SRGAP2C: variants seen among roughly 807,000 people sequenced by gnomAD.
The protein encoded by SRGAP2C is SLIT-ROBO Rho GTPase-activating protein 2C.
In SRGAP2C, 15 loss-of-function variants were observed where a neutral mutation model predicts 25.1. That is an observed-to-expected ratio of 0.60 (90% CI 0.40 to 0.92). The LOEUF is 0.92. SRGAP2C is among the 40% of genes least tolerant of loss of function. The probability of loss-of-function intolerance (pLI) is 0.00; values close to 1 mark genes in which losing one functional copy is unlikely to be tolerated. For missense variants in SRGAP2C, 144 were observed against 264.4 expected (o/e 0.54, Z 3.16); for synonymous variants, 44 against 96.6 (o/e 0.46, Z 3.19).
intron 2 of SRGAP2C, among the ~76,000 whole-genome samples, chr1:121,199,006 A>G (rs1301826270): frequency 6.6e-6 from 1 of 152,190 alleles, no homozygotes; most frequent in Non-Finnish European, 1.5e-5. Flanking sequence ...GGGAACAACA[A>G]TTCTTGGCCC....
At chr1:121,368,015 G>A (rs1327871426) in intron 5 of SRGAP2C, among the ~76,000 whole-genome samples, 1 of 114,972 alleles carries the variant, frequency 8.7e-6, no homozygotes, top group African/African-American at 3.5e-5. Flanking sequence ...GGCAGAGCTT[G>A]CAGTGAGCCG....
chr1:121,208,132 C>T (rs1316299306), intron 2 of SRGAP2C, among the ~76,000 whole-genome samples: 1 of 152,194 alleles, frequency 6.6e-6, no homozygotes, highest in African/African-American at 2.4e-5. Context: ...TTGCAAATTA[C>T]ATAACCCAAA....
chr1:121,238,843 G>A (rs1302555940), intron 2 of SRGAP2C, among the ~76,000 whole-genome samples: 102 of 140,094 alleles, frequency 7.3e-4, no homozygotes, highest in African/African-American at 2.4e-3. Flanking sequence ...GTGCAGTAGC[G>A]TGATCATGGC....
intron 3 of SRGAP2C, chr1:121,314,959 C>G: frequency 1.0e-6 from 1 of 973,354 alleles, no homozygotes; most frequent in South Asian, 1.3e-5. Flanking sequence ...TGAGCCAGGG[C>G]TTGAAGCAGA....
At chr1:121,347,817 A>T (rs1391052857) in intron 4 of SRGAP2C, among the ~76,000 whole-genome samples, 3 of 150,994 alleles carry the variant, frequency 2.0e-5, no homozygotes, top group African/African-American at 7.3e-5. Flanking sequence ...AGCTCCACAC[A>T]TGCCAGAGAC....
chr1:121,315,070 G>T lies in SRGAP2C; in HGVS notation c.261-9408G>T, dbSNP rs1175213313. 1.0e-5 allele frequency: 9 copies of T among 891,422 alleles called. 1 individual carries two copies. The highest frequency in any genetic ancestry group is 2.4e-5 in the Admixed American group (1 of 42,476). The allele number at this position is 891,422 out of a possible 1,614,324, so 55.2% of individuals were successfully genotyped here. A position where few individuals can be genotyped will look rare whatever the true frequency, so the allele number is the denominator to read the frequency against. On this transcript the variant is annotated intron_variant, in intron 3 of 9. Coordinates refer to ENST00000367123, the MANE Select transcript of SRGAP2C (RefSeq NM_001329984.2). ...AGATTATCCATGTTGCTCCCCGAGG[G>T]TGAGGAACTGGCGGGGTGAGGCGAA...
chr1:121,212,339 C>T (rs1417169314), intron 2 of SRGAP2C, among the ~76,000 whole-genome samples: 1 of 151,468 alleles, frequency 6.6e-6, no homozygotes, highest in African/African-American at 2.4e-5. Context: ...ACCATATTGG[C>T]CAGGCTGGTC....
At chr1:121,229,808 CTTAGCTGTATTATGTGAAGTTGT>C (rs1553327227) in intron 2 of SRGAP2C, among the ~76,000 whole-genome samples, 1 of 125,674 alleles carries the variant, frequency 8.0e-6, no homozygotes. Context: ...TGTTCAGATT[CTTAGCTGTATTATGTGAAGTTGT>C]TTGTCAGCTT....
At chr1:121,352,912 AC>A (rs1658961396) in intron 4 of SRGAP2C, among the ~76,000 whole-genome samples, 1 of 143,012 alleles carries the variant, frequency 7.0e-6, no homozygotes, top group Admixed American at 7.0e-5. Flanking sequence ...ACATGGTGAA[AC>A]CCCATCTCTA....
intron 4 of SRGAP2C, among the ~76,000 whole-genome samples, chr1:121,354,102 A>G (rs1420222906): frequency 1.3e-5 from 1 of 79,314 alleles, no homozygotes; most frequent in Non-Finnish European, 2.4e-5. Context: ...TATGCAAATT[A>G]AAGACAGATT....
rs1248211703 is a variant in SRGAP2C at position 121,312,646 on chromosome 1, A to G, written c.261-11832A>G. Among the ~76,000 whole-genome samples the G allele has an allele frequency of 8.8e-3, 1,007 of 114,822 alleles. 43 individuals are homozygous for G. The highest frequency in any genetic ancestry group is 0.031 in the African/African-American group (969 of 30,912). The allele number at this position is 114,822 out of a possible 152,430, so 75.3% of individuals were successfully genotyped here. A position where few individuals can be genotyped will look rare whatever the true frequency, so the allele number is the denominator to read the frequency against. The stretch of plus-strand genomic sequence containing the variant: ...TGTGTGTTTTTTCTCGTTGGTTTCA[A>G]AGAACATCTTTATTTCTGCCTTCAT... On this transcript the variant is annotated intron_variant, in intron 3 of 9. Transcript: ENST00000367123.
At chr1:121,226,110 C>T (rs1403344870) in intron 2 of SRGAP2C, among the ~76,000 whole-genome samples, 2 of 151,570 alleles carry the variant, frequency 1.3e-5, no homozygotes, top group Non-Finnish European at 2.9e-5. Flanking sequence ...GGGATCGGGT[C>T]TGTATATAAA....
intron 3 of SRGAP2C, among the ~76,000 whole-genome samples, chr1:121,293,643 T>A (rs1173712171): frequency 6.6e-6 from 1 of 152,126 alleles, no homozygotes; most frequent in Admixed American, 6.5e-5. Flanking sequence ...ACAATAGTAC[T>A]GTATTTTCAG....
At chr1:121,382,437 G>A (rs373335446) in intron 7 of SRGAP2C, among the ~76,000 whole-genome samples, 250 of 151,698 alleles carry the variant, frequency 1.6e-3, no homozygotes, top group Non-Finnish European at 2.9e-3. Flanking sequence ...ATGAAATAGC[G>A]CTTAATTAAA....
At chr1:121,309,442 C>CT (rs1160925847) in intron 3 of SRGAP2C, among the ~76,000 whole-genome samples, 1 of 117,460 alleles carries the variant, frequency 8.5e-6, no homozygotes, top group African/African-American at 3.2e-5. Flanking sequence ...TTTTTTAATA[C>CT]TTTAAGTTTT....
chr1:121,362,511 C>T (rs1659219097), intron 4 of SRGAP2C, among the ~76,000 whole-genome samples: 1 of 150,848 alleles, frequency 6.6e-6, no homozygotes, highest in Non-Finnish European at 1.5e-5. Context: ...TCTTCTTCCC[C>T]CATCCCCCAC....
At chr1:121,374,479 G>T (rs1482575714) in intron 6 of SRGAP2C, among the ~76,000 whole-genome samples, 2 of 152,094 alleles carry the variant, frequency 1.3e-5, no homozygotes, top group Non-Finnish European at 2.9e-5. Flanking sequence ...CTTTGGAGGG[G>T]TTGGGGGTGA....
At chr1:121,277,439 G>T (rs1657131381) in intron 2 of SRGAP2C, among the ~76,000 whole-genome samples, 1 of 150,332 alleles carries the variant, frequency 6.7e-6, no homozygotes. Flanking sequence ...TTGAGATGAG[G>T]TCTTGCTATG....
chr1:121,236,219 C>T (rs1345302741), intron 2 of SRGAP2C, among the ~76,000 whole-genome samples: 2 of 152,224 alleles, frequency 1.3e-5, no homozygotes, highest in East Asian at 3.9e-4. Context: ...CCTGCGATTA[C>T]AGCCTGCACC....
Sources: allele counts gnomAD v4.1 joint callset (sites outside exome capture counted in the v4.1 genomes callset), GRCh38; gene constraint gnomAD v4.1.1; transcripts MANE v1.5; gene names NCBI Gene and HGNC (gene_info 2026-07-23, HGNC 2026-07-21).